The following BICD2 variants were observed in gnomAD, a reference collection of about 807,000 sequenced individuals.
BICD2 encodes protein bicaudal D homolog 2.
BICD2 carries 25 observed loss-of-function variants against 72.9 expected under a neutral mutation model. The ratio of observed to expected loss-of-function variants is 0.34; its 90% CI spans 0.25 to 0.48. The LOEUF (loss-of-function observed/expected upper bound fraction) is 0.48. Among genes scored for constraint, BICD2 ranks in the 20% least tolerant of loss-of-function variants. The pLI, the probability that BICD2 is intolerant of heterozygous loss-of-function variation, is 0.99. For synonymous variants in BICD2, 501 were observed against 516.1 expected (o/e 0.97, Z 0.40); for missense variants, 894 against 1,175.2 (o/e 0.76, Z 3.50).
At chr9:92,749,007 A>T (rs1404445021) in intron 1 of BICD2, among the ~76,000 whole-genome samples, 1 of 151,494 alleles carries the variant, frequency 6.6e-6, no homozygotes, top group African/African-American at 2.4e-5. Context: ...GTAACAGGAG[A>T]GGGGGCAGGA....
At chr9:92,725,742 T>C (rs1853555196) in intron 2 of BICD2, among the ~76,000 whole-genome samples, 2 of 152,258 alleles carry the variant, frequency 1.3e-5, no homozygotes, top group African/African-American at 4.8e-5. Context: ...AAGGAGCCAC[T>C]GTGCAGGGGG....
At chr9:92,744,390 C>G (rs899106597) in intron 1 of BICD2, among the ~76,000 whole-genome samples, 1 of 152,150 alleles carries the variant, frequency 6.6e-6, no homozygotes, top group African/African-American at 2.4e-5. Flanking sequence ...GAGAGCAGCT[C>G]TGGGAAGCTG....
chr9:92,733,548 A>G (rs1564066000), intron 1 of BICD2, among the ~76,000 whole-genome samples: 1 of 152,156 alleles, frequency 6.6e-6, no homozygotes, highest in African/African-American at 2.4e-5. Flanking sequence ...TTTTTCAACA[A>G]ATGATGCTGG....
chr9:92,747,804 G>A (rs917015636), intron 1 of BICD2, among the ~76,000 whole-genome samples: 5 of 152,184 alleles, frequency 3.3e-5, no homozygotes, highest in African/African-American at 1.2e-4. Flanking sequence ...GTGCAGGAAC[G>A]GAGTGAGGAG....
chr9:92,718,507 G>A lies in BICD2; in HGVS notation c.2106+32C>T, dbSNP rs547852762. ...GGAAACACCCTTAGGCCAGTAGTAG[G>A]TGACATGTGCCCCTGCTGCCTGGCA... On this transcript the variant is annotated intron_variant, in intron 5 of 6. Coordinates refer to ENST00000356884, the MANE Select transcript of BICD2 (RefSeq NM_001003800.2). 2.0e-5 allele frequency: 31 copies of A among 1,582,968 alleles called. No homozygotes were observed. The South Asian group carries it at 2.0e-4, about 10-fold the overall frequency.
intron 1 of BICD2, 60 bp from the exon 2 acceptor site, chr9:92,729,296 A>G (rs1201924473): frequency 6.4e-7 from 1 of 1,556,076 alleles, no homozygotes; most frequent in Non-Finnish European, 8.8e-7. Context: ...AAGGATAGAG[A>G]CCCAGCTCAC....
At chr9:92,759,392 T>C (rs938611529) in intron 1 of BICD2, among the ~76,000 whole-genome samples, 2 of 152,198 alleles carry the variant, frequency 1.3e-5, no homozygotes, top group Non-Finnish European at 2.9e-5. Context: ...TTAAAGTGAA[T>C]GTATGATTTT....
chr9:92,749,683 G>A (rs553125425), intron 1 of BICD2, among the ~76,000 whole-genome samples: 1 of 152,358 alleles, frequency 6.6e-6, no homozygotes, highest in East Asian at 1.9e-4. Flanking sequence ...AATTGCCCCA[G>A]TGTCAGCAGA....
rs150494580 is a variant in BICD2 at position 92,757,241 on chromosome 9, G to A, written c.240+7264C>T. Among the ~76,000 whole-genome samples, 1,330 of 147,388 alleles carry A rather than the reference G, an allele frequency of 9.0e-3. 23 individuals carry two copies. The highest frequency in any genetic ancestry group is 0.032 in the African/African-American group (1,285 of 39,712). ...AGGTAGGAGAGTTGCTTGAACACAG[G>A]AGGCAGAGATTGCAGTGAGCCAAGA... On this transcript the variant is annotated intron_variant, in intron 1 of 6. Coordinates refer to ENST00000356884, the MANE Select transcript of BICD2 (RefSeq NM_001003800.2).
intron 6 of BICD2, among the ~76,000 whole-genome samples, chr9:92,715,800 G>A (rs1853299432): frequency 6.6e-6 from 1 of 152,214 alleles, no homozygotes; most frequent in African/African-American, 2.4e-5. Context: ...GCCCCTCAGC[G>A]ACTGGGCTTC....
At chr9:92,724,019 C>G (rs1398406168) in intron 2 of BICD2, among the ~76,000 whole-genome samples, 2 of 152,196 alleles carry the variant, frequency 1.3e-5, no homozygotes, top group Non-Finnish European at 2.9e-5. Context: ...GCCAATGTCC[C>G]CCAGGGGCAA....
rs1296717798 is a variant in BICD2 at position 92,715,114 on chromosome 9, G to A, written c.*40C>T. 1.3e-6 allele frequency: 2 copies of A among 1,534,448 alleles called. No individual in the cohort carries two copies. Among genetic ancestry groups the A allele is most frequent in the Non-Finnish European group, 1.8e-6 (2 of 1,137,272 alleles). Reference sequence around the variant, plus strand: ...CCGCTGCTGCTGGGTTAGTTGAGGTGAAGCAGATGTTAGCTGCAGCGTGCG... The same window carrying A: ...CCGCTGCTGCTGGGTTAGTTGAGGTAAAGCAGATGTTAGCTGCAGCGTGCG... On this transcript the variant is annotated 3_prime_UTR_variant, in exon 7 of 7. Transcript: ENST00000356884.
At chr9:92,732,027 G>C (rs561891048) in intron 1 of BICD2, among the ~76,000 whole-genome samples, 1 of 152,300 alleles carries the variant, frequency 6.6e-6, no homozygotes, top group East Asian at 1.9e-4. Flanking sequence ...CAAAGCTCAA[G>C]AACACATGAA....
intron 1 of BICD2, among the ~76,000 whole-genome samples, chr9:92,731,299 G>C (rs541472744): frequency 6.6e-6 from 1 of 152,212 alleles, no homozygotes; most frequent in South Asian, 2.1e-4. Context: ...GCCATGACAC[G>C]ACATTCAAGT....
Position 92,742,571 on chromosome 9 carries a change from A to T in BICD2, c.241-13335T>A, listed in dbSNP as rs1339210614. ...GGCTAATTTTTTGTATGTTTAGTAG[A>T]GATGGGGTTTCACCATGTTGGCCAG... On this transcript the variant is annotated intron_variant, in intron 1 of 6. Transcript: ENST00000356884. 5.3e-5 allele frequency among the ~76,000 whole-genome samples: 8 copies of T among 152,086 alleles called. No individual in the cohort carries two copies. In the East Asian group the frequency reaches 1.5e-3, roughly 29 times the overall value.
chr9:92,713,610 G>A lies in BICD2; in HGVS notation c.*1544C>T. 1 of 1,520,660 alleles carries A rather than the reference G, an allele frequency of 6.6e-7. No individual in the cohort carries two copies. Among genetic ancestry groups the A allele is most frequent in the Non-Finnish European group, 8.9e-7 (1 of 1,128,620 alleles). 94.2% of individuals were successfully genotyped at this position (1,520,660 alleles called of 1,614,324 possible). On this transcript the variant is annotated 3_prime_UTR_variant, in exon 7 of 7. Transcript: ENST00000356884. ...GCATGTGTTAGCAGGGGTCCCAGTG[G>A]CTTGGGTGTCTGCAAAGTCCCTTAG...
chr9:92,718,095 T>C (rs919677256), intron 5 of BICD2, 147 bp from the exon 6 acceptor site: 3 of 1,009,144 alleles, frequency 3.0e-6, no homozygotes, highest in Non-Finnish European at 4.4e-6. Context: ...TGACAAACCC[T>C]GGGGATGGAC....
At chr9:92,718,058 A>G in intron 5 of BICD2, 110 bp from the exon 6 acceptor site, 1 of 1,374,058 alleles carries the variant, frequency 7.3e-7, no homozygotes, top group East Asian at 2.3e-5. Context: ...GTGCCTGGGA[A>G]GAAAGCTCCT....
intron 1 of BICD2, among the ~76,000 whole-genome samples, chr9:92,759,795 T>C (rs374759356): frequency 2.6e-5 from 4 of 152,220 alleles, no homozygotes; most frequent in African/African-American, 7.2e-5. Flanking sequence ...TTACCCCCGA[T>C]GTGTGTAACA....
Sources: gnomAD v4.1 joint callset for allele counts (sites outside exome capture counted in the v4.1 genomes callset) on GRCh38, gnomAD v4.1.1 for gene constraint, MANE v1.5 for transcripts, NCBI Gene and HGNC (gene_info 2026-07-23, HGNC 2026-07-21) for gene names.